Variants in ABLIM1 observed in about 807,000 individuals in gnomAD.
ABLIM1 encodes the protein actin binding LIM protein 1.
Under a neutral mutation model 107.0 loss-of-function variants are expected in ABLIM1, and 40 were observed. The ratio of observed to expected loss-of-function variants is 0.37; its 90% CI spans 0.29 to 0.49. ABLIM1 has a LOEUF of 0.49. ABLIM1 is among the 20% of genes least tolerant of loss of function. The pLI, the probability that ABLIM1 is intolerant of heterozygous loss-of-function variation, is 0.97. For synonymous variants in ABLIM1, 357 were observed against 357.3 expected, an observed-to-expected ratio of 1.00 and a Z score of 0.01; for missense variants, 857 against 1,008.5, an observed-to-expected ratio of 0.85 and a Z score of 2.04.
intron 1 of ABLIM1, among the ~76,000 whole-genome samples, chr10:114,703,442 T>C (rs1418547296): frequency 6.6e-6 from 1 of 152,190 alleles, no homozygotes; most frequent in Non-Finnish European, 1.5e-5. Flanking sequence ...TTTAGTTTAG[T>C]AGAGGTGAAG....
chr10:114,616,805 G>A (rs749737967), intron 1 of ABLIM1, among the ~76,000 whole-genome samples: 1 of 152,368 alleles, frequency 6.6e-6, no homozygotes. Context: ...ACTGAGCTAC[G>A]TGCCAGGAGG....
At chr10:114,627,545 A>G (rs1458106488) in intron 1 of ABLIM1, among the ~76,000 whole-genome samples, 1 of 152,108 alleles carries the variant, frequency 6.6e-6, no homozygotes, top group Non-Finnish European at 1.5e-5. Flanking sequence ...CAAGCAGGAG[A>G]TGATAACGGA....
chr10:114,699,672 A>T (rs2141828291), intron 1 of ABLIM1, among the ~76,000 whole-genome samples: 1 of 152,330 alleles, frequency 6.6e-6, no homozygotes, highest in South Asian at 2.1e-4. Context: ...TTTAAAACTA[A>T]TAAAACTCTG....
Position 114,444,024 on chromosome 10 carries a change from C to A in ABLIM1, c.1933+5G>T. The A allele has an allele frequency of 6.2e-7, 1 of 1,604,116 alleles. No homozygotes were observed. On this transcript the variant is annotated splice_donor_5th_base_variant and intron_variant, in intron 17 of 22. Coordinates refer to ENST00000533213, the MANE Select transcript of ABLIM1 (RefSeq NM_002313.7). The stretch of plus-strand genomic sequence containing the variant: ...ATCAGGGAAGGTTGGGGGTTTGCTG[C>A]TTACCTGAGTTGATGGGAGAATCGT...
At chr10:114,569,632 A>C (rs1330723136) in intron 4 of ABLIM1, among the ~76,000 whole-genome samples, 1 of 152,102 alleles carries the variant, frequency 6.6e-6, no homozygotes, top group African/African-American at 2.4e-5. Context: ...ATTCCTTCAA[A>C]GTTTTTGGTA....
intron 4 of ABLIM1, among the ~76,000 whole-genome samples, chr10:114,556,909 T>G (rs563196376): frequency 5.9e-5 from 9 of 152,120 alleles, no homozygotes; most frequent in Admixed American, 1.3e-4. Flanking sequence ...AAGAATAGAG[T>G]ACAAAACAGA....
At chr10:114,554,947 C>T (rs1019453162) in intron 4 of ABLIM1, among the ~76,000 whole-genome samples, 1 of 152,092 alleles carries the variant, frequency 6.6e-6, no homozygotes, top group African/African-American at 2.4e-5. Flanking sequence ...GTTTTTTCAT[C>T]TGTAAAATGA....
intron 2 of ABLIM1, among the ~76,000 whole-genome samples, chr10:114,587,700 C>A (rs962175342): frequency 1.3e-5 from 2 of 152,126 alleles, no homozygotes; most frequent in Admixed American, 1.3e-4. Flanking sequence ...ACAAGGCAGC[C>A]CCCACACCTG....
intron 10 of ABLIM1, among the ~76,000 whole-genome samples, chr10:114,470,616 G>A (rs937510917): frequency 1.3e-5 from 2 of 152,070 alleles, no homozygotes; most frequent in Non-Finnish European, 2.9e-5. Context: ...AAAACCATGG[G>A]ACATAATTCC....
At chr10:114,796,337 G>A in the ABLIM1 span, among the ~76,000 whole-genome samples, 1 of 152,166 alleles carries the variant, frequency 6.6e-6, no homozygotes, top group African/African-American at 2.4e-5. Flanking sequence ...AGGCTTGACT[G>A]GAGCTGGGGG....
intron 1 of ABLIM1, chr10:114,690,551 T>C (rs1379080158): frequency 2.1e-5 from 26 of 1,217,694 alleles, no homozygotes; most frequent in Non-Finnish European, 2.9e-5. Context: ...CTGCTGTCTT[T>C]GGAAACTTGT....
At chr10:114,729,217 T>C (rs1333316042) in intron 1 of ABLIM1, among the ~76,000 whole-genome samples, 1 of 151,994 alleles carries the variant, frequency 6.6e-6, no homozygotes, top group African/African-American at 2.4e-5. Flanking sequence ...CCAGAAGGAC[T>C]CCAAAGCCAA....
At chr10:114,536,153 C>A (rs1050169694) in intron 6 of ABLIM1, among the ~76,000 whole-genome samples, 4 of 150,740 alleles carry the variant, frequency 2.7e-5, no homozygotes, top group African/African-American at 4.9e-5. Context: ...GTGGATTTGC[C>A]TATTCCACAC....
rs112979151 is a variant in ABLIM1 at position 114,649,559 on chromosome 10, T to G, written c.244+8398A>C. Among the ~76,000 whole-genome samples, 655 of 152,234 alleles carry G rather than the reference T, an allele frequency of 4.3e-3. 4 individuals are homozygous for G. Among genetic ancestry groups the G allele is most frequent in the African/African-American group, 0.015 (636 of 41,536 alleles). ...AAATCCTGACATACTTAAATCCTGA[T>G]TCTGCAAAGGGTTTCTCTAGTGTAT... On this transcript the variant is annotated intron_variant, in intron 1 of 22. Coordinates refer to ENST00000533213, the MANE Select transcript of ABLIM1 (RefSeq NM_002313.7).
intron 4 of ABLIM1, among the ~76,000 whole-genome samples, chr10:114,570,968 A>T (rs2138766840): frequency 6.6e-6 from 1 of 152,186 alleles, no homozygotes; most frequent in Non-Finnish European, 1.5e-5. Context: ...AAGAATCTAC[A>T]TTCCTACCAA....
chr10:114,650,000 C>T (rs1249545923), intron 1 of ABLIM1, among the ~76,000 whole-genome samples: 2 of 152,072 alleles, frequency 1.3e-5, no homozygotes, highest in African/African-American at 2.4e-5. Context: ...GGACTACAGG[C>T]GCCCACCACC....
At chr10:114,637,874 T>G (rs2078558664) in intron 1 of ABLIM1, among the ~76,000 whole-genome samples, 1 of 152,180 alleles carries the variant, frequency 6.6e-6, no homozygotes, top group Admixed American at 6.5e-5. Flanking sequence ...TTAAAAACAG[T>G]TTACTACCAG....
At chr10:114,701,874 T>G (rs1174980600) in intron 1 of ABLIM1, among the ~76,000 whole-genome samples, 1 of 152,188 alleles carries the variant, frequency 6.6e-6, no homozygotes, top group Non-Finnish European at 1.5e-5. Context: ...ATTCTTACAT[T>G]TCAATGTATG....
chr10:114,466,214 T>C (rs550455212), intron 11 of ABLIM1, among the ~76,000 whole-genome samples: 12 of 152,192 alleles, frequency 7.9e-5, no homozygotes, highest in African/African-American at 1.9e-4. Context: ...TGATGGCACA[T>C]GCCTGCAGTC....
Sources: allele counts gnomAD v4.1 joint callset (sites outside exome capture counted in the v4.1 genomes callset), GRCh38; gene constraint gnomAD v4.1.1; transcripts MANE v1.5; gene names NCBI Gene and HGNC (gene_info 2026-07-23, HGNC 2026-07-21).